OSBPL9: variants seen among roughly 807,000 people sequenced by gnomAD.
OSBPL9 encodes oxysterol-binding protein-related protein 9.
A neutral mutation model predicts 106.6 loss-of-function variants in OSBPL9; 40 were observed. That is an observed-to-expected ratio of 0.38 (90% CI 0.29 to 0.49). The LOEUF (loss-of-function observed/expected upper bound fraction) is 0.49, where lower values mean the gene tolerates loss of function less well. Among genes scored for constraint, OSBPL9 ranks in the 20% least tolerant of loss-of-function variants. The probability of loss-of-function intolerance (pLI) is 0.97; values close to 1 mark genes in which losing one functional copy is unlikely to be tolerated. For synonymous variants in OSBPL9, 269 were observed against 295.4 expected, an observed-to-expected ratio of 0.91 and a Z score of 0.92; for missense variants, 609 against 887.2, an observed-to-expected ratio of 0.69 and a Z score of 3.98.
At chr1:51,669,830 T>C in intron 3 of OSBPL9, 1 of 499,066 alleles carries the variant, frequency 2.0e-6, no homozygotes, top group Non-Finnish European at 3.9e-6. Context: ...TGATCTTCTT[T>C]ATCAAGGAGT....
At chr1:51,636,166 T>G (rs1014780878) in intron 1 of OSBPL9, among the ~76,000 whole-genome samples, 2 of 139,628 alleles carry the variant, frequency 1.4e-5, no homozygotes, top group East Asian at 2.0e-4. Context: ...TTTTTTTTTT[T>G]TTTTTTTTTT....
the OSBPL9 span, among the ~76,000 whole-genome samples, chr1:51,562,289 A>C: frequency 1.3e-5 from 2 of 151,944 alleles, no homozygotes; most frequent in African/African-American, 4.8e-5. Flanking sequence ...GGTTACTTTT[A>C]AATTGTGTAG....
chr1:51,746,132 C>T (rs992320724), intron 5 of OSBPL9, among the ~76,000 whole-genome samples: 9 of 152,080 alleles, frequency 5.9e-5, no homozygotes, highest in South Asian at 2.1e-4. Context: ...TTAGTAGAGA[C>T]GGGGTTTCGC....
upstream of OSBPL9, among the ~76,000 whole-genome samples, chr1:51,576,276 T>G (rs1645183404): frequency 6.6e-6 from 1 of 152,188 alleles, no homozygotes; most frequent in Non-Finnish European, 1.5e-5. Flanking sequence ...TGTCACTCCC[T>G]CCTGAGGGAG....
At chr1:51,583,927 G>C (rs542788129) in intron 1 of OSBPL9, among the ~76,000 whole-genome samples, 1 of 152,072 alleles carries the variant, frequency 6.6e-6, no homozygotes, top group East Asian at 1.9e-4. Flanking sequence ...GTTTCTGCCT[G>C]ATTTTGGACT....
intron 12 of OSBPL9, among the ~76,000 whole-genome samples, chr1:51,767,779 CAGTTTGCCAATAGA>C (rs2149090873): frequency 6.6e-6 from 1 of 151,866 alleles, no homozygotes; most frequent in East Asian, 1.9e-4. Flanking sequence ...CCATTGTTAG[CAGTTTGCCAATAGA>C]AATTTAATTT....
At chr1:51,662,246 G>A (rs1434316786) in intron 2 of OSBPL9, among the ~76,000 whole-genome samples, 1 of 152,176 alleles carries the variant, frequency 6.6e-6, no homozygotes. Flanking sequence ...ATTGAAAAGG[G>A]CTGTTGTTAA....
At chr1:51,645,082 C>A (rs1646066823) in intron 1 of OSBPL9, among the ~76,000 whole-genome samples, 2 of 152,204 alleles carry the variant, frequency 1.3e-5, no homozygotes. Context: ...TTTCCACCCT[C>A]TGCTCTGCGA....
At chr1:51,669,779 T>G in intron 3 of OSBPL9, 1 of 576,478 alleles carries the variant, frequency 1.7e-6, no homozygotes, top group Non-Finnish European at 3.3e-6. Context: ...GAGAGAGTAA[T>G]GGGCTGCTGC....
intron 12 of OSBPL9, among the ~76,000 whole-genome samples, chr1:51,771,863 A>G (rs1021445480): frequency 2.6e-5 from 4 of 152,210 alleles, no homozygotes; most frequent in African/African-American, 9.6e-5. Context: ...AGATCTCACT[A>G]ATTTTTGATG....
intron 11 of OSBPL9, among the ~76,000 whole-genome samples, chr1:51,763,084 C>T (rs2149074626): frequency 6.6e-6 from 1 of 152,306 alleles, no homozygotes; most frequent in African/African-American, 2.4e-5. Flanking sequence ...CGACTCACTG[C>T]ACCCTCCACT....
chr1:51,644,687 G>A (rs1287028454), intron 1 of OSBPL9, among the ~76,000 whole-genome samples: 1 of 152,098 alleles, frequency 6.6e-6, no homozygotes, highest in Non-Finnish European at 1.5e-5. Flanking sequence ...GGGAGAGAGT[G>A]GAGAAAATGT....
chr1:51,678,967 A>G (rs567658600), intron 3 of OSBPL9, among the ~76,000 whole-genome samples: 3 of 152,342 alleles, frequency 2.0e-5, no homozygotes, highest in African/African-American at 7.2e-5. Flanking sequence ...CTGTTGTTTC[A>G]TATTTTTGAT....
At chr1:51,733,508 GCTCAC>G (rs1223277553) in intron 4 of OSBPL9, among the ~76,000 whole-genome samples, 1 of 152,168 alleles carries the variant, frequency 6.6e-6, no homozygotes, top group Admixed American at 6.5e-5. Flanking sequence ...GGGTGCGGTG[GCTCAC>G]GCTGTAATCC....
rs748925627 is a variant in OSBPL9, at chr1:51,776,925, G to C, written c.1256+7G>C. 3.8e-6 allele frequency: 6 copies of C among 1,595,630 alleles called. No individual in the cohort carries two copies. In the East Asian group the frequency reaches 1.1e-4, roughly 30 times the overall value. ...ATCCGGACCTGTTTGTGAGGTATTTGACTGAACATGGTAGTTTCCAACGTT... is the reference window on the plus strand; with the variant it reads ...ATCCGGACCTGTTTGTGAGGTATTTCACTGAACATGGTAGTTTCCAACGTT... On this transcript the variant is annotated splice_region_variant and intron_variant, in intron 15 of 23. Coordinates refer to ENST00000428468, the MANE Select transcript of OSBPL9 (RefSeq NM_024586.6).
intron 12 of OSBPL9, among the ~76,000 whole-genome samples, chr1:51,769,081 ACTCCCCAGTTCCAT>A (rs1449078846): frequency 2.6e-5 from 4 of 151,656 alleles, no homozygotes; most frequent in Non-Finnish European, 5.9e-5. Flanking sequence ...GGGTATGCTG[ACTCCCCAGTTCCAT>A]ATATATCTTA....
At chr1:51,533,040 T>C in the OSBPL9 span, among the ~76,000 whole-genome samples, 1 of 152,094 alleles carries the variant, frequency 6.6e-6, no homozygotes, top group Non-Finnish European at 1.5e-5. Flanking sequence ...TAATTGGTAA[T>C]TATTAATTGG....
At chr1:51,567,806 C>T in the OSBPL9 span, 2 of 152,156 alleles carry the variant, frequency 1.3e-5, no homozygotes, top group Non-Finnish European at 2.9e-5. Context: ...GAGGGATGAC[C>T]TGTACTTTGT....
At chr1:51,593,788 A>G (rs1448115120) in intron 1 of OSBPL9, among the ~76,000 whole-genome samples, 1 of 152,048 alleles carries the variant, frequency 6.6e-6, no homozygotes, top group Non-Finnish European at 1.5e-5. Flanking sequence ...TTTGAGTCTC[A>G]GAAATGGGAA....
Sources: gnomAD v4.1 joint callset for allele counts (sites outside exome capture counted in the v4.1 genomes callset) on GRCh38, gnomAD v4.1.1 for gene constraint, MANE v1.5 for transcripts, NCBI Gene and HGNC (gene_info 2026-07-23, HGNC 2026-07-21) for gene names.